HPS4: variants seen among roughly 807,000 people sequenced by gnomAD.
The protein encoded by HPS4 is HPS4 biogenesis of lysosomal organelles complex 3 subunit 2, also known as BLOC-3 complex member HPS4.
In HPS4, 44 loss-of-function variants were observed where a neutral mutation model predicts 70.3. The observed-to-expected ratio is 0.63, with a 90% CI of 0.49 to 0.80. The LOEUF (loss-of-function observed/expected upper bound fraction) is 0.80, where lower values mean the gene tolerates loss of function less well. Ranked by LOEUF, HPS4 falls within the 30% of genes least tolerant of loss-of-function variation. The pLI is 0.00. For synonymous variants in HPS4, 377 were observed against 355.9 expected (o/e 1.06, Z -0.67); for missense variants, 873 against 884.4 (o/e 0.99, Z 0.16).
rs1206586665 is a variant in HPS4 at position 26,466,447 on chromosome 22, G to C, written c.670-185C>G. Reference sequence around the variant, plus strand: ...CCCCAAGCTGCTGGCTCCCACTATGGCTGGGATGAAGCAAGAACCTGGGCC... The same window carrying C: ...CCCCAAGCTGCTGGCTCCCACTATGCCTGGGATGAAGCAAGAACCTGGGCC... On this transcript the variant is annotated intron_variant, in intron 8 of 13. Transcript: ENST00000398145. 5 of 710,066 alleles carry C rather than the reference G, an allele frequency of 7.0e-6. No homozygotes were observed. In the African/African-American group the frequency reaches 8.8e-5, roughly 12 times the overall value. The allele number at this position is 710,066 out of a possible 1,614,324, so 44.0% of individuals were successfully genotyped here.
chr22:26,460,286 G>A (rs564496000), intron 11 of HPS4, among the ~76,000 whole-genome samples: 1 of 152,368 alleles, frequency 6.6e-6, no homozygotes, highest in African/African-American at 2.4e-5. Flanking sequence ...TATGTGCTCA[G>A]GAAAGACAAT....
chr22:26,468,731 G>C (rs778458166), intron 7 of HPS4, 108 bp from the exon 8 acceptor site: 11 of 1,020,260 alleles, frequency 1.1e-5, no homozygotes, highest in African/African-American at 1.6e-5. Flanking sequence ...TTGGGGACTT[G>C]GCTGGTGGGA....
chr22:26,447,515 G>A (rs1186860193), downstream of HPS4, among the ~76,000 whole-genome samples: 2 of 152,062 alleles, frequency 1.3e-5, no homozygotes, highest in African/African-American at 4.8e-5. Context: ...CTATTATGTC[G>A]TGGTCTGGGT....
chr22:26,465,943 C>T, intron 9 of HPS4: 3 of 967,684 alleles, frequency 3.1e-6, no homozygotes, highest in East Asian at 2.9e-5. Context: ...TTGCCTTACC[C>T]TCTCCCAATC....
intron 8 of HPS4, chr22:26,468,140 T>A: frequency 4.3e-6 from 1 of 230,872 alleles, no homozygotes; most frequent in Non-Finnish European, 8.8e-6. Context: ...TCACCTCAAG[T>A]GATCTGCCCA....
At position 26,453,144 on chromosome 22, in the gene HPS4, G is replaced by C; in HGVS notation, c.*89C>G. ...TTCCTAAAAAAGGGAATGTTTTCAA[G>C]AAAAATAAAATAGAGGGGCCTTTTC... On this transcript the variant is annotated 3_prime_UTR_variant, in exon 14 of 14. Coordinates refer to ENST00000398145, the MANE Select transcript of HPS4 (RefSeq NM_022081.6). 1 of 1,340,840 alleles carries C rather than the reference G, an allele frequency of 7.5e-7. No homozygotes were observed. The highest frequency in any genetic ancestry group is 1.0e-6 in the Non-Finnish European group (1 of 956,278). 83.1% of individuals were successfully genotyped at this position (1,340,840 alleles called of 1,614,324 possible).
intron 9 of HPS4, 39 bp downstream of exon 9, chr22:26,466,187 C>T (rs739289): frequency 1.2e-6 from 2 of 1,613,536 alleles, no homozygotes; most frequent in African/African-American, 2.7e-5. Flanking sequence ...CATAAAAGAC[C>T]GCCGTTCTCA....
At chr22:26,482,449 G>A (rs149122961) in intron 1 of HPS4, among the ~76,000 whole-genome samples, 113 of 152,258 alleles carry the variant, frequency 7.4e-4, no homozygotes, top group African/African-American at 2.6e-3. Flanking sequence ...CTTCACGGAA[G>A]ATAAAATCAA....
At chr22:26,481,603 G>A in intron 2 of HPS4, 119 bp downstream of exon 2, 4 of 940,574 alleles carry the variant, frequency 4.3e-6, no homozygotes, top group South Asian at 2.7e-5. Flanking sequence ...TGAGGAAAAT[G>A]GCATTTTTAT....
intron 7 of HPS4, among the ~76,000 whole-genome samples, chr22:26,470,378 C>G (rs538206253): frequency 6.6e-6 from 1 of 152,366 alleles, no homozygotes; most frequent in South Asian, 2.1e-4. Flanking sequence ...CAGGCCCCTT[C>G]CATGCCTCTT....
chr22:26,464,354 G>T lies in HPS4; in HGVS notation c.1276C>A (p.Arg426Ser), dbSNP rs777491163. ...PPEDTAISSL[R>S]PPSAPEMLTQ... ...AGCATCTCAGGAGCAGAGGGAGGGC[G>T]CAAGCTGCTGATGGCTGTGTCCTCA... The change falls in exon 11 of 14, where the codon CGC becomes AGC. Residue 426 changes from arginine to serine, a missense_variant. By Grantham distance (110) the Arg-to-Ser change is moderately radical. Coordinates refer to ENST00000398145, the MANE Select transcript of HPS4 (RefSeq NM_022081.6). The T allele has an allele frequency of 1.5e-5, 24 of 1,614,006 alleles. No individual in the cohort carries two copies. The highest frequency in any genetic ancestry group is 6.7e-5 in the Admixed American group (4 of 60,006).
chr22:26,476,623 C>A, intron 4 of HPS4: 2 of 215,446 alleles, frequency 9.3e-6, no homozygotes, highest in East Asian at 1.2e-4. Flanking sequence ...TCTCTAAAAC[C>A]TAACATATAT....
In HPS4 at chr22:26,452,288, T is replaced by C. The variant is rs1283972472; in HGVS notation, c.*945A>G. ...TGACAAATATTTTCATCCTGCAGTC[T>C]GTCTCATACTGTCAAAAAAATGTCT... On this transcript the variant is annotated 3_prime_UTR_variant, in exon 14 of 14. Transcript: ENST00000398145. 2.3e-6 allele frequency: 1 copy of C among 443,222 alleles called. No homozygotes were observed. Among genetic ancestry groups the C allele is most frequent in the Non-Finnish European group, 4.5e-6 (1 of 223,144 alleles). The allele number at this position is 443,222 out of a possible 1,614,324, so 27.5% of individuals were successfully genotyped here.
intron 13 of HPS4, 146 bp downstream of exon 13, chr22:26,457,713 A>G: frequency 1.4e-6 from 1 of 699,066 alleles, no homozygotes; most frequent in Non-Finnish European, 2.6e-6. Context: ...GATGGCGGCA[A>G]TAGGAACCGA....
Position 26,451,807 on chromosome 22 carries a change from G to A in HPS4, c.*1426C>T, listed in dbSNP as rs1194866027. On this transcript the variant is annotated 3_prime_UTR_variant, in exon 14 of 14. Transcript: ENST00000398145. ...TTCCATCTAGGCAGATGGGATCCAA[G>A]AGACAGCAGAGATCCTGGAGAGAGG... The A allele has an allele frequency of 6.5e-6, 1 of 153,148 alleles. No individual in the cohort carries two copies. 9.5% of individuals were successfully genotyped at this position (153,148 alleles called of 1,614,324 possible).
At chr22:26,471,279 G>A in intron 6 of HPS4, 1 of 440,992 alleles carries the variant, frequency 2.3e-6, no homozygotes. Context: ...TGTCTGACCA[G>A]GTTCCATGAC....
At chr22:26,466,545 T>C (rs2088659850) in intron 8 of HPS4, 1 of 552,244 alleles carries the variant, frequency 1.8e-6, no homozygotes, top group Admixed American at 3.1e-5. Context: ...TCAGTCTCTC[T>C]CCCTTCTGGG....
In HPS4 at chr22:26,481,703, G is replaced by C. The variant is rs2091305393; in HGVS notation, c.41+19C>G. On this transcript the variant is annotated intron_variant, in intron 2 of 13. Coordinates refer to ENST00000398145, the MANE Select transcript of HPS4 (RefSeq NM_022081.6). The stretch of plus-strand genomic sequence containing the variant: ...AACAGCCCAGCAAAAGCTATGCCAT[G>C]GCAGGCCTTGTTACTCACCACGAGG... 1 of 1,612,848 alleles carries C rather than the reference G, an allele frequency of 6.2e-7. No homozygotes were observed. Among genetic ancestry groups the C allele is most frequent in the African/African-American group, 1.3e-5 (1 of 74,934 alleles).
intron 9 of HPS4, chr22:26,465,864 G>A (rs557988445): frequency 3.6e-6 from 2 of 557,574 alleles, no homozygotes. Flanking sequence ...TCAGGCTTCA[G>A]AATAAATCGA....
Sources: gnomAD v4.1 joint callset for allele counts (sites outside exome capture counted in the v4.1 genomes callset) on GRCh38, gnomAD v4.1.1 for gene constraint, MANE v1.5 for transcripts, NCBI Gene and HGNC (gene_info 2026-07-23, HGNC 2026-07-21) for gene names.